ARRB1: variants seen among roughly 807,000 people sequenced by gnomAD.
The protein encoded by ARRB1 is arrestin beta 1, also known as beta-arrestin-1.
In ARRB1, 21 loss-of-function variants were observed where a neutral mutation model predicts 56.8. The ratio of observed to expected loss-of-function variants is 0.37; its 90% CI spans 0.26 to 0.53. ARRB1 has a LOEUF of 0.53. Ranked by LOEUF, ARRB1 falls within the 20% of genes least tolerant of loss-of-function variation. The probability of loss-of-function intolerance (pLI) is 0.88; values close to 1 mark genes in which losing one functional copy is unlikely to be tolerated. For synonymous variants in ARRB1, 210 were observed against 218.6 expected, an observed-to-expected ratio of 0.96 and a Z score of 0.35; for missense variants, 424 against 553.7, an observed-to-expected ratio of 0.77 and a Z score of 2.35.
chr11:75,313,426 C>T (rs1444654357), intron 1 of ARRB1, among the ~76,000 whole-genome samples: 1 of 152,186 alleles, frequency 6.6e-6, no homozygotes, highest in African/African-American at 2.4e-5. Context: ...GGTTGGGGGC[C>T]CCTCAGCCAA....
At chr11:75,293,745 G>A (rs1591933015) in intron 1 of ARRB1, among the ~76,000 whole-genome samples, 1 of 152,192 alleles carries the variant, frequency 6.6e-6, no homozygotes, top group Non-Finnish European at 1.5e-5. Context: ...AGAAAAGGGG[G>A]AGGGCATGTT....
At chr11:75,281,897 A>C in intron 6 of ARRB1, 65 bp downstream of exon 6, 2 of 1,533,814 alleles carry the variant, frequency 1.3e-6, no homozygotes, top group South Asian at 2.3e-5. Context: ...CCCAGGGAGA[A>C]AGCCAGGGAC....
chr11:75,272,726 C>A, intron 12 of ARRB1, 169 bp downstream of exon 12: 3 of 613,696 alleles, frequency 4.9e-6, no homozygotes, highest in East Asian at 2.8e-5. Context: ...GGAAAGCGGG[C>A]GGGGGAGAAA....
At chr11:75,327,842 G>C (rs982871425) in intron 1 of ARRB1, among the ~76,000 whole-genome samples, 1 of 152,064 alleles carries the variant, frequency 6.6e-6, no homozygotes, top group African/African-American at 2.4e-5. Context: ...GCCCACCTTG[G>C]CCTCCCAGTG....
intron 1 of ARRB1, among the ~76,000 whole-genome samples, chr11:75,324,523 C>T (rs866541491): frequency 1.3e-5 from 2 of 152,182 alleles, no homozygotes; most frequent in African/African-American, 4.8e-5. Context: ...CGTGAATGAA[C>T]GAAGGGCTGA....
At chr11:75,268,756 G>T in intron 14 of ARRB1, 133 bp downstream of exon 14, 1 of 920,250 alleles carries the variant, frequency 1.1e-6, no homozygotes, top group Non-Finnish European at 1.6e-6. Flanking sequence ...TCGAGTTCTG[G>T]ACCCCACAAA....
chr11:75,325,826 C>G (rs1017161199), intron 1 of ARRB1, among the ~76,000 whole-genome samples: 4 of 152,168 alleles, frequency 2.6e-5, no homozygotes, highest in Non-Finnish European at 5.9e-5. Context: ...TAACCTTGTG[C>G]GTAAAGGGAC....
In ARRB1 at chr11:75,288,677, G is replaced by A. The variant is rs144699109; in HGVS notation, c.52-1302C>T. Among the ~76,000 whole-genome samples the A allele has an allele frequency of 5.4e-3, 804 of 149,742 alleles. 4 individuals are homozygous for A. Among genetic ancestry groups the A allele is most frequent in the Non-Finnish European group, 6.4e-3 (431 of 67,720 alleles). On this transcript the variant is annotated intron_variant, in intron 2 of 15. Transcript: ENST00000420843. The stretch of plus-strand genomic sequence containing the variant: ...GTCGCCCAGGCTGGAGTGCAGTGGT[G>A]CAATTTCAGCTCACTGCAACCTCTA...
chr11:75,305,018 CTTTTTTTT>C (rs35323331), intron 1 of ARRB1, among the ~76,000 whole-genome samples: 1 of 86,732 alleles, frequency 1.2e-5, no homozygotes, highest in Admixed American at 1.4e-4. Context: ...TTCTTTCTTT[CTTTTTTTT>C]TTTTTTTTTT....
intron 6 of ARRB1, 137 bp downstream of exon 6, chr11:75,281,824 AC>A (rs1946349987): frequency 3.5e-6 from 3 of 854,598 alleles, no homozygotes; most frequent in African/African-American, 1.7e-5. Flanking sequence ...CCAAGGTGGG[AC>A]CAGCTTAGCC....
intron 1 of ARRB1, among the ~76,000 whole-genome samples, chr11:75,340,789 G>C (rs1270899785): frequency 6.6e-6 from 1 of 152,144 alleles, no homozygotes; most frequent in Non-Finnish European, 1.5e-5. Flanking sequence ...GGAGCCTGGG[G>C]CCAGGATGCC....
intron 1 of ARRB1, among the ~76,000 whole-genome samples, chr11:75,323,804 G>A (rs1182941406): frequency 3.3e-5 from 5 of 152,068 alleles, no homozygotes; most frequent in African/African-American, 4.8e-5. Context: ...AGGAAGTGAC[G>A]GGATAGCTCC....
chr11:75,304,183 T>C (rs1456849116), intron 1 of ARRB1, among the ~76,000 whole-genome samples: 1 of 152,188 alleles, frequency 6.6e-6, no homozygotes, highest in African/African-American at 2.4e-5. Context: ...AATTTCAACA[T>C]GCAAACTTTT....
chr11:75,334,615 T>C (rs142126800), intron 1 of ARRB1, among the ~76,000 whole-genome samples: 1 of 152,328 alleles, frequency 6.6e-6, no homozygotes, highest in Admixed American at 6.5e-5. Context: ...TGGTTCATTA[T>C]TTTAACCTTT....
At chr11:75,332,353 G>A (rs138371858) in intron 1 of ARRB1, among the ~76,000 whole-genome samples, 126 of 152,278 alleles carry the variant, frequency 8.3e-4, no homozygotes, top group African/African-American at 2.7e-3. Flanking sequence ...GAAAATCTGC[G>A]TCTGTAAACA....
At chr11:75,272,455 C>T (rs1298461544) in intron 12 of ARRB1, among the ~76,000 whole-genome samples, 1 of 152,122 alleles carries the variant, frequency 6.6e-6, no homozygotes, top group Non-Finnish European at 1.5e-5. Flanking sequence ...CTAGCAAATC[C>T]CCAATCCAGC....
chr11:75,337,450 G>C (rs1947623213), intron 1 of ARRB1, among the ~76,000 whole-genome samples: 1 of 152,192 alleles, frequency 6.6e-6, no homozygotes, highest in African/African-American at 2.4e-5. Context: ...AGAGGGAAAG[G>C]GTGCTTTTTC....
chr11:75,300,519 G>T (rs1019338192), intron 1 of ARRB1, among the ~76,000 whole-genome samples: 1 of 152,138 alleles, frequency 6.6e-6, no homozygotes, highest in Non-Finnish European at 1.5e-5. Context: ...GGATTATGTG[G>T]TTCTGTCTGG....
At chr11:75,266,879 T>C (rs997863935) in intron 15 of ARRB1, among the ~76,000 whole-genome samples, 20 of 152,042 alleles carry the variant, frequency 1.3e-4, no homozygotes, top group African/African-American at 4.3e-4. Flanking sequence ...TGAATCTAAA[T>C]AGGGGGGCAG....
Sources: gnomAD v4.1 joint callset for allele counts (sites outside exome capture counted in the v4.1 genomes callset) on GRCh38, gnomAD v4.1.1 for gene constraint, MANE v1.5 for transcripts, NCBI Gene and HGNC (gene_info 2026-07-23, HGNC 2026-07-21) for gene names.